Variants in RNF212 observed in about 807,000 individuals in gnomAD.
RNF212 encodes the protein probable E3 SUMO-protein ligase RNF212.
Under a neutral mutation model 34.7 loss-of-function variants are expected in RNF212, and 33 were observed. That is an observed-to-expected ratio of 0.95 (90% CI 0.72 to 1.27). The LOEUF is 1.27. RNF212 is among the 50% of genes most tolerant of loss of function. The pLI, the probability that RNF212 is intolerant of heterozygous loss-of-function variation, is 0.00. For missense variants in RNF212, 377 were observed against 362.2 expected, an observed-to-expected ratio of 1.04 and a Z score of -0.33; for synonymous variants, 140 against 136.1, an observed-to-expected ratio of 1.03 and a Z score of -0.20.
chr4:1,113,490 G>A lies in RNF212; in HGVS notation c.-26C>T, dbSNP rs11728360. 0.096 allele frequency: 151,993 copies of A among 1,589,088 alleles called. 8,573 individuals are homozygous for A. Among genetic ancestry groups the A allele is most frequent in the African/African-American group, 0.25 (18,600 of 73,616 alleles). On this transcript the variant is annotated 5_prime_UTR_variant, in exon 1 of 10. Coordinates refer to ENST00000433731, the MANE Select transcript of RNF212 (RefSeq NM_001131034.4). ...GCCAGGCGGGCGACCGCAGCGGCGA[G>A]GCCGGGCCCACGCGAAGCCCACGCA...
chr4:1,062,707 GATAAAA>G (rs1038121049), intron 3 of RNF212, among the ~76,000 whole-genome samples: 1 of 152,232 alleles, frequency 6.6e-6, no homozygotes, highest in East Asian at 1.9e-4. Flanking sequence ...GAAGTGAAAA[GATAAAA>G]ATAAAAGTAA....
Position 1,080,417 on chromosome 4 carries a change from G to A in RNF212, c.465-729C>T, listed in dbSNP as rs540973415. ...TTCAACAGTTTCCAGTTCTCCACCC[G>A]CTCCCAGTGTCTCAGAGTGGTCCAT... On this transcript the variant is annotated intron_variant, in intron 7 of 9. Coordinates refer to ENST00000433731, the MANE Select transcript of RNF212 (RefSeq NM_001131034.4). Among the ~76,000 whole-genome samples, 7 of 152,162 alleles carry A rather than the reference G, an allele frequency of 4.6e-5. 1 individual carries two copies. The highest frequency in any genetic ancestry group is 2.6e-4 in the Admixed American group (4 of 15,294).
At chr4:1,113,666 A>C, upstream of RNF212, 2 of 471,996 alleles carry the variant, frequency 4.2e-6, no homozygotes, top group Non-Finnish European at 7.4e-6. Flanking sequence ...GGCGCGTGTG[A>C]CTCGTCTCCC....
Position 1,057,006 on chromosome 4 carries a change from T to C in RNF212, n.221-503A>G. 4 of 987,188 alleles carry C rather than the reference T, an allele frequency of 4.1e-6. No homozygotes were observed. The South Asian group carries it at 1.9e-4, about 46-fold the overall frequency. 61.2% of individuals were successfully genotyped at this position (987,188 alleles called of 1,614,324 possible). ...TAGGGAATTTGCAGAGGTGGAATCCTAATAAATTCAAGAAACACAACATCA... is the reference window on the plus strand; with the variant it reads ...TAGGGAATTTGCAGAGGTGGAATCCCAATAAATTCAAGAAACACAACATCA... On this transcript the variant is annotated intron_variant and non_coding_transcript_variant, in intron 4 of 4. Coordinates refer to the RNF212 transcript ENST00000503206.
intron 8 of RNF212, among the ~76,000 whole-genome samples, chr4:1,078,141 A>G (rs759065878): frequency 3.9e-5 from 6 of 152,230 alleles, no homozygotes; most frequent in Non-Finnish European, 7.3e-5. Flanking sequence ...GGCTCGGAAC[A>G]GTGCTTGCCA....
intron 4 of RNF212, among the ~76,000 whole-genome samples, chr4:1,088,847 C>A (rs1577724643): frequency 6.6e-6 from 1 of 152,246 alleles, no homozygotes; most frequent in Non-Finnish European, 1.5e-5. Flanking sequence ...GCATTGGCGG[C>A]TTCCACATGG....
At chr4:1,085,767 G>C in intron 5 of RNF212, 129 bp downstream of exon 5, 1 of 716,170 alleles carries the variant, frequency 1.4e-6, no homozygotes, top group Non-Finnish European at 2.5e-6. Context: ...GAAAGTTTCT[G>C]GTAAATGAAC....
intron 2 of RNF212, among the ~76,000 whole-genome samples, chr4:1,104,793 A>T (rs1724552806): frequency 6.6e-6 from 1 of 152,178 alleles, no homozygotes; most frequent in African/African-American, 2.4e-5. Context: ...ATGAGCTAGA[A>T]AGACAATGAA....
chr4:1,079,997 C>A (rs1720065412), intron 7 of RNF212, among the ~76,000 whole-genome samples: 1 of 152,202 alleles, frequency 6.6e-6, no homozygotes, highest in Non-Finnish European at 1.5e-5. Context: ...TCCAGACAAC[C>A]CCTTCTCTTC....
At chr4:1,056,600 T>C in intron 4 of RNF212, 1 of 549,254 alleles carries the variant, frequency 1.8e-6, no homozygotes, top group Non-Finnish European at 2.3e-6. Flanking sequence ...AATTCAGATG[T>C]CATCTTAGTA....
downstream of RNF212, among the ~76,000 whole-genome samples, chr4:1,070,890 A>T (rs914997473): frequency 2.6e-5 from 4 of 151,692 alleles, no homozygotes; most frequent in African/African-American, 9.7e-5. Context: ...TTTTTTTTTT[A>T]ATACTGTTCT....
Position 1,073,282 on chromosome 4 carries a change from T to C in RNF212, c.575-89A>G, listed in dbSNP as rs907000463. 2.7e-6 allele frequency: 4 copies of C among 1,505,866 alleles called. No homozygotes were observed. In the African/African-American group the frequency reaches 5.6e-5, roughly 21 times the overall value. The allele number at this position is 1,505,866 out of a possible 1,614,324, so 93.3% of individuals were successfully genotyped here. A position where few individuals can be genotyped will look rare whatever the true frequency, so the allele number is the denominator to read the frequency against. On this transcript the variant is annotated intron_variant, in intron 9 of 9. Transcript: ENST00000433731. Reference sequence around the variant, plus strand: ...GCTGAGGGTGAGGGAGGGATTCACTTTGAAAAGGGACCAGCAATTCAAAGC... The same window carrying C: ...GCTGAGGGTGAGGGAGGGATTCACTCTGAAAAGGGACCAGCAATTCAAAGC...
intron 5 of RNF212, among the ~76,000 whole-genome samples, chr4:1,082,849 G>A (rs1281514068): frequency 1.3e-5 from 2 of 152,226 alleles, no homozygotes; most frequent in African/African-American, 2.4e-5. Context: ...AGCCTTCTGC[G>A]TCTGGCAGGG....
At chr4:1,056,527 CAT>C (rs953025623) in intron 4 of RNF212, 8 of 978,960 alleles carry the variant, frequency 8.2e-6, no homozygotes, top group South Asian at 4.7e-5. Context: ...TGAGGGTGCA[CAT>C]GTTACATACA....
intron 3 of RNF212, among the ~76,000 whole-genome samples, chr4:1,061,291 C>T (rs1459319733): frequency 1.3e-5 from 2 of 152,200 alleles, no homozygotes; most frequent in Non-Finnish European, 2.9e-5. Context: ...AGCAGCCTTG[C>T]TTCCAGAGGG....
chr4:1,112,710 C>A (rs1020536387), intron 1 of RNF212, among the ~76,000 whole-genome samples: 2 of 143,962 alleles, frequency 1.4e-5, no homozygotes, highest in Non-Finnish European at 3.0e-5. Context: ...GCATCCCGCT[C>A]CCCCCGGCGG....
chr4:1,079,691 G>A lies in RNF212; in HGVS notation c.465-3C>T. On this transcript the variant is annotated splice_polypyrimidine_tract_variant and splice_region_variant and intron_variant, in intron 7 of 9. Transcript: ENST00000433731. ...GATCAACTTCCATCGACTCCAGTCTGTTAAACACATAGTGAAAGGCTTTGA... is the reference window on the plus strand; with the variant it reads ...GATCAACTTCCATCGACTCCAGTCTATTAAACACATAGTGAAAGGCTTTGA... The A allele has an allele frequency of 6.2e-7, 1 of 1,608,628 alleles. No homozygotes were observed. Among genetic ancestry groups the A allele is most frequent in the East Asian group, 2.2e-5 (1 of 44,872 alleles).
downstream of RNF212, among the ~76,000 whole-genome samples, chr4:1,069,222 G>T (rs74783744): frequency 7.2e-6 from 1 of 138,830 alleles, no homozygotes; most frequent in Non-Finnish European, 1.6e-5. Context: ...AAAAAAAAAA[G>T]AAATCTATGA....
At chr4:1,056,577 G>T in intron 4 of RNF212, 1 of 726,196 alleles carries the variant, frequency 1.4e-6, no homozygotes, top group Non-Finnish European at 1.7e-6. Flanking sequence ...TCACTAAAAT[G>T]TGTATTTTAA....
Sources: gnomAD v4.1 joint callset for allele counts (sites outside exome capture counted in the v4.1 genomes callset) on GRCh38, gnomAD v4.1.1 for gene constraint, MANE v1.5 for transcripts, NCBI Gene and HGNC (gene_info 2026-07-23, HGNC 2026-07-21) for gene names.